The following PML variants were observed in gnomAD, a reference collection of about 807,000 sequenced individuals.
PML encodes protein PML.
In PML, 28 loss-of-function variants were observed where a neutral mutation model predicts 65.2. That is an observed-to-expected ratio of 0.43 (90% CI 0.32 to 0.59). PML has a LOEUF of 0.59. PML is among the 20% of genes least tolerant of loss of function. The probability of loss-of-function intolerance (pLI) is 0.08; values close to 1 mark genes in which losing one functional copy is unlikely to be tolerated. For synonymous variants in PML, 500 were observed against 508.8 expected, an observed-to-expected ratio of 0.98 and a Z score of 0.23; for missense variants, 1,021 against 1,203.4, an observed-to-expected ratio of 0.85 and a Z score of 2.24.
intron 2 of PML, among the ~76,000 whole-genome samples, chr15:74,022,236 C>A (rs1475210560): frequency 6.6e-6 from 1 of 152,276 alleles, no homozygotes; most frequent in East Asian, 1.9e-4. Context: ...GGATTACAGG[C>A]GTGAGCCACC....
At chr15:73,996,676 C>A (rs957295430) in intron 1 of PML, among the ~76,000 whole-genome samples, 3 of 152,154 alleles carry the variant, frequency 2.0e-5, no homozygotes, top group Non-Finnish European at 4.4e-5. Context: ...CCTGTATCAG[C>A]AGTTTCTCAG....
Position 74,035,920 on chromosome 15 carries a change from C to A in PML, c.1710+1390C>A, listed in dbSNP as rs763492413. 4.6e-5 allele frequency: 74 copies of A among 1,613,964 alleles called. No individual in the cohort carries two copies. The highest frequency in any genetic ancestry group is 6.3e-5 in the Non-Finnish European group (74 of 1,180,022). ...GCCCCAGAAAGGCCCCCCATCAGCC[C>A]AGTCCCAGGCGCCCGTCAAGCAGGC... On this transcript the variant is annotated intron_variant, in intron 7 of 8. Transcript: ENST00000268058. This position sits in a 1 kb window ranked among gnomAD's most constrained non-coding sequence, Gnocchi z 4.1.
intron 2 of PML, among the ~76,000 whole-genome samples, chr15:74,002,347 A>G (rs1187159877): frequency 6.6e-6 from 1 of 150,492 alleles, no homozygotes; most frequent in Non-Finnish European, 1.5e-5. Context: ...ATATATGCAT[A>G]TATCTATATG....
At chr15:74,030,400 G>C (rs1282096667) in intron 4 of PML, among the ~76,000 whole-genome samples, 1 of 152,206 alleles carries the variant, frequency 6.6e-6, no homozygotes, top group Admixed American at 6.5e-5. Context: ...TGTAATCCCA[G>C]CACTTTGGGA....
chr15:74,044,334 C>A lies in PML; in HGVS notation c.1975C>A (p.Leu659Met). The A allele has an allele frequency of 6.2e-7, 1 of 1,614,174 alleles. No individual in the cohort carries two copies. The highest frequency in any genetic ancestry group is 2.2e-5 in the East Asian group (1 of 44,868). ...CAAGGCCGTGTCCCTGGAGGTGGGG[C>A]TGCAGCACTTCCTCAGCTTTCTGAG... Reference protein sequence around the residue: ...YSKAVSLEVGLQHFLSFLSSM... With the variant: ...YSKAVSLEVGMQHFLSFLSSM... The change falls in exon 9 of 9, where the codon CTG (leucine) becomes ATG (methionine). Residue 659 changes from leucine (L) to methionine (M), a missense_variant. Physicochemically the swap from Leu to Met is conservative, Grantham distance 15. Coordinates refer to ENST00000268058, the MANE Select transcript of PML (RefSeq NM_033238.3).
chr15:74,037,160 C>T lies in PML; in HGVS notation c.1710+2630C>T. ...GCTCCGCCCAGCATGTCCTTTTGCT[C>T]TGCAGGGCAGCCCCCGCCTGCCTTT... On this transcript the variant is annotated intron_variant, in intron 7 of 8. Coordinates refer to ENST00000268058, the MANE Select transcript of PML (RefSeq NM_033238.3). The surrounding 1 kb of genome is among the most constrained non-coding windows in gnomAD (Gnocchi z 4.2). The T allele has an allele frequency of 1.0e-6, 1 of 985,430 alleles. No homozygotes were observed. The highest frequency in any genetic ancestry group is 1.2e-6 in the Non-Finnish European group (1 of 829,920). 61.0% of individuals were successfully genotyped at this position (985,430 alleles called of 1,614,324 possible).
intron 2 of PML, among the ~76,000 whole-genome samples, chr15:74,003,887 A>T (rs1401957597): frequency 2.0e-5 from 3 of 152,164 alleles, no homozygotes; most frequent in African/African-American, 7.2e-5. Context: ...CTGAGACCTT[A>T]AGTGTCTTTA....
At chr15:74,031,344 G>A (rs1049923561) in intron 4 of PML, 8 of 404,174 alleles carry the variant, frequency 2.0e-5, no homozygotes, top group Non-Finnish European at 2.9e-5. Context: ...ACACAATCTC[G>A]GCTCACTGCA....
chr15:73,994,776 A>G lies in PML; in HGVS notation c.-37A>G. 1 of 1,550,334 alleles carries G rather than the reference A, an allele frequency of 6.5e-7. No individual in the cohort carries two copies. Among genetic ancestry groups the G allele is most frequent in the Non-Finnish European group, 8.7e-7 (1 of 1,146,748 alleles). ...CCTTCAGCTTCTCTTCACGCACTCC[A>G]AGATCTAAACCGAGAATCGAAACTA... On this transcript the variant is annotated 5_prime_UTR_variant, in exon 1 of 9. Transcript: ENST00000268058.
chr15:74,006,444 C>CT (rs982673114), intron 2 of PML, among the ~76,000 whole-genome samples: 5 of 150,866 alleles, frequency 3.3e-5, no homozygotes, highest in African/African-American at 1.2e-4. Context: ...GCATGTGCAT[C>CT]TAGCATGGGT....
rs2071553753 is a variant in PML, at chr15:74,036,195, GC to G, written c.1710+1668del. 5.0e-6 allele frequency: 8 copies of G among 1,589,878 alleles called. No individual in the cohort carries two copies. The Admixed American group carries it at 1.4e-4, about 27-fold the overall frequency. On this transcript the variant is annotated intron_variant, in intron 7 of 8. Coordinates refer to ENST00000268058, the MANE Select transcript of PML (RefSeq NM_033238.3). Reference sequence around the variant, plus strand: ...TCAAGCCACCATTCCAGGCCTCTTTGCCCAAGAAAGAAACTTCTGTCACCCT... The same window carrying G: ...TCAAGCCACCATTCCAGGCCTCTTTGCCAAGAAAGAAACTTCTGTCACCCT...
At chr15:74,031,285 T>G in intron 4 of PML, 1 of 443,628 alleles carries the variant, frequency 2.3e-6, no homozygotes, top group Non-Finnish European at 4.5e-6. Context: ...TTATTATTAT[T>G]AGTGTTTGAG....
chr15:74,025,321 G>A (rs2071024602), intron 4 of PML: 1 of 272,826 alleles, frequency 3.7e-6, no homozygotes, highest in Non-Finnish European at 7.4e-6. Flanking sequence ...AGTCCTGAGG[G>A]ATGTGCAGAT....
In PML at chr15:74,042,722, C is replaced by T. The variant is rs569443808; in HGVS notation, c.1711-267C>T. On this transcript the variant is annotated intron_variant, in intron 7 of 8. Coordinates refer to ENST00000268058, the MANE Select transcript of PML (RefSeq NM_033238.3). This position sits in a 1 kb window ranked among gnomAD's most constrained non-coding sequence, Gnocchi z 5.3. The stretch of plus-strand genomic sequence containing the variant: ...ACTTGGATTCATTCCCACACATGCA[C>T]GTTCACAACCTGTGTGTGTCACCCT... The T allele has an allele frequency of 1.0e-5, 10 of 985,408 alleles. No homozygotes were observed. Among genetic ancestry groups the T allele is most frequent in the Middle Eastern group, 5.2e-4 (1 of 1,914 alleles). 61.0% of individuals were successfully genotyped at this position (985,408 alleles called of 1,614,324 possible).
In PML at chr15:74,042,732, CTGTG is replaced by C. The variant is rs2071721590; in HGVS notation, c.1711-251_1711-248del. The C allele has an allele frequency of 4.1e-6, 4 of 985,312 alleles. No homozygotes were observed. The highest frequency in any genetic ancestry group is 4.7e-5 in the South Asian group (1 of 21,290). 61.0% of individuals were successfully genotyped at this position (985,312 alleles called of 1,614,324 possible). ...ATTCCCACACATGCACGTTCACAAC[CTGTG>C]TGTGTCACCCTTCCTCCCCTACTCA... is the stretch of plus-strand genomic sequence containing the variant. On this transcript the variant is annotated intron_variant, in intron 7 of 8. Coordinates refer to ENST00000268058, the MANE Select transcript of PML (RefSeq NM_033238.3). This position sits in a 1 kb window ranked among gnomAD's most constrained non-coding sequence, Gnocchi z 5.3.
chr15:74,001,464 C>T (rs1201933253), intron 2 of PML, among the ~76,000 whole-genome samples: 1 of 152,012 alleles, frequency 6.6e-6, no homozygotes, highest in African/African-American at 2.4e-5. Context: ...CTCAGCCTCC[C>T]CAGTAGCTGA....
chr15:73,999,683 A>G (rs1378764933), intron 2 of PML, among the ~76,000 whole-genome samples: 1 of 151,964 alleles, frequency 6.6e-6, no homozygotes, highest in Non-Finnish European at 1.5e-5. Context: ...AAATTCCTCG[A>G]AAGAAAAAAA....
chr15:73,998,664 G>A (rs1172360903), intron 2 of PML, among the ~76,000 whole-genome samples, 188 bp downstream of exon 2: 11 of 152,248 alleles, frequency 7.2e-5, no homozygotes, highest in Admixed American at 7.2e-4. Context: ...CCCCACGCAG[G>A]TGGATAGTAA....
At chr15:74,017,084 G>A (rs1285096094) in intron 2 of PML, among the ~76,000 whole-genome samples, 4 of 151,182 alleles carry the variant, frequency 2.6e-5, no homozygotes, top group Non-Finnish European at 5.9e-5. Flanking sequence ...GGCATGAGCC[G>A]CCGCGCCCGG....
Sources: allele counts gnomAD v4.1 joint callset (sites outside exome capture counted in the v4.1 genomes callset), GRCh38; gene constraint gnomAD v4.1.1; non-coding constraint Gnocchi (gnomAD v3.1); transcripts MANE v1.5; gene names NCBI Gene and HGNC (gene_info 2026-07-23, HGNC 2026-07-21).